LRMDA: variants seen among roughly 807,000 people sequenced by gnomAD.
LRMDA encodes leucine rich melanocyte differentiation associated.
A neutral mutation model predicts 29.8 loss-of-function variants in LRMDA; 18 were observed. The ratio of observed to expected loss-of-function variants is 0.60; its 90% CI spans 0.42 to 0.90. LRMDA has a LOEUF of 0.90. Among genes scored for constraint, LRMDA ranks in the 40% least tolerant of loss-of-function variants. LRMDA has a pLI of 0.00. For missense variants in LRMDA, 273 were observed against 273.9 expected, an observed-to-expected ratio of 1.00 and a Z score of 0.02; for synonymous variants, 125 against 109.4, an observed-to-expected ratio of 1.14 and a Z score of -0.89.
At chr10:75,589,765 A>AAAT (rs71024554) in intron 2 of LRMDA, among the ~76,000 whole-genome samples, 28 of 144,812 alleles carry the variant, frequency 1.9e-4, no homozygotes, top group East Asian at 4.1e-4. Flanking sequence ...GTCTAAAAAA[A>AAAT]ATATATATAT....
intron 2 of LRMDA, among the ~76,000 whole-genome samples, chr10:75,835,519 G>A (rs1381783386): frequency 1.3e-5 from 2 of 152,100 alleles, no homozygotes; most frequent in Non-Finnish European, 2.9e-5. Context: ...ACATATTTGG[G>A]GTGGTGTTAT....
At chr10:76,282,304 G>C (rs1840216306) in intron 5 of LRMDA, among the ~76,000 whole-genome samples, 1 of 152,184 alleles carries the variant, frequency 6.6e-6, no homozygotes, top group African/African-American at 2.4e-5. Flanking sequence ...CGTTTCTGTT[G>C]ACAAGAAATT....
At chr10:75,925,211 AT>A (rs1171326188) in intron 2 of LRMDA, among the ~76,000 whole-genome samples, 3 of 151,710 alleles carry the variant, frequency 2.0e-5, no homozygotes, top group Non-Finnish European at 2.9e-5. Context: ...TTTTTTGTAA[AT>A]TTTTTTTGCC....
intron 2 of LRMDA, among the ~76,000 whole-genome samples, chr10:75,459,974 C>T (rs1844565998): frequency 6.6e-6 from 1 of 152,170 alleles, no homozygotes; most frequent in Admixed American, 6.5e-5. Flanking sequence ...ATTAAGTTTC[C>T]AATACATGAA....
At chr10:76,039,159 A>G (rs1054291578) in intron 3 of LRMDA, among the ~76,000 whole-genome samples, 4 of 152,238 alleles carry the variant, frequency 2.6e-5, no homozygotes, top group African/African-American at 7.2e-5. Context: ...TCACATACCA[A>G]CTGTAGAACA....
At chr10:76,391,018 A>G (rs998217745) in intron 6 of LRMDA, among the ~76,000 whole-genome samples, 5 of 152,218 alleles carry the variant, frequency 3.3e-5, no homozygotes, top group Admixed American at 6.5e-5. Context: ...TTACCATCCA[A>G]TGGAAATATT....
intron 6 of LRMDA, among the ~76,000 whole-genome samples, chr10:76,460,171 C>T (rs999355248): frequency 3.3e-5 from 5 of 152,160 alleles, no homozygotes; most frequent in South Asian, 2.1e-4. Flanking sequence ...TGTGAGACTT[C>T]GCTGCACAGT....
intron 6 of LRMDA, among the ~76,000 whole-genome samples, chr10:76,439,492 A>G (rs1842278735): frequency 6.6e-6 from 1 of 152,304 alleles, no homozygotes; most frequent in East Asian, 1.9e-4. Context: ...GATCCTTAGC[A>G]GGGAAAGCGC....
rs1229037592 is a variant in LRMDA at position 75,629,968 on chromosome 10, G to A, written c.131+191474G>A. ...TTGCAGATCAGTTTTAAAAAGAACA[G>A]CCATTCCATCATATATGTAATTTTA... On this transcript the variant is annotated intron_variant, in intron 2 of 6. Transcript: ENST00000611255. 5.3e-5 allele frequency among the ~76,000 whole-genome samples: 8 copies of A among 152,192 alleles called. No individual in the cohort carries two copies. The East Asian group carries it at 1.3e-3, about 26-fold the overall frequency.
At chr10:76,180,277 CTTTTTTTTTTTTTTTT>C (rs34563574) in intron 5 of LRMDA, among the ~76,000 whole-genome samples, 4 of 89,864 alleles carry the variant, frequency 4.5e-5, no homozygotes, top group Non-Finnish European at 6.1e-5. Flanking sequence ...TTGGAAAAAA[CTTTTTTTTTTTTTTTT>C]TTTTTTTTTT....
At position 75,517,453 on chromosome 10, in the gene LRMDA, T is replaced by C. The variant is rs146025828; in HGVS notation, c.131+78959T>C. ...TTGGATTCCTAGGTATTTTATTCTC[T>C]TTGTAGCAGTTGTGAATGGGAGTTC... is the stretch of plus-strand genomic sequence containing the variant. On this transcript the variant is annotated intron_variant, in intron 2 of 6. Coordinates refer to ENST00000611255, the MANE Select transcript of LRMDA (RefSeq NM_001305581.2). 4.9e-3 allele frequency among the ~76,000 whole-genome samples: 742 copies of C among 152,276 alleles called. 5 individuals are homozygous for C. The highest frequency in any genetic ancestry group is 0.017 in the African/African-American group (710 of 41,554).
At chr10:75,799,660 G>T (rs988067617) in intron 2 of LRMDA, among the ~76,000 whole-genome samples, 15 of 150,712 alleles carry the variant, frequency 1.0e-4, no homozygotes, top group Admixed American at 8.6e-4. Flanking sequence ...GATCACAGGT[G>T]TGTGTTACTA....
chr10:76,144,334 T>C (rs1850267839), intron 5 of LRMDA, among the ~76,000 whole-genome samples: 1 of 152,226 alleles, frequency 6.6e-6, no homozygotes, highest in African/African-American at 2.4e-5. Flanking sequence ...GCTTGGAATG[T>C]TCTTCCATTT....
At chr10:76,336,410 A>C (rs1840969654) in intron 6 of LRMDA, among the ~76,000 whole-genome samples, 1 of 152,214 alleles carries the variant, frequency 6.6e-6, no homozygotes, top group South Asian at 2.1e-4. Context: ...GTTTCCTTAA[A>C]TACTCTCTGC....
In LRMDA at chr10:76,036,107, G is replaced by A. The variant is rs766747887; in HGVS notation, c.231G>A (p.Leu77=). 10 of 1,613,812 alleles carry A rather than the reference G, an allele frequency of 6.2e-6. No homozygotes were observed. The South Asian group carries it at 8.8e-5, about 14-fold the overall frequency. The change falls in exon 3 of 7, where the codon CTG becomes CTA. Residue 77 remains leucine (L), a synonymous_variant. Coordinates refer to ENST00000611255, the MANE Select transcript of LRMDA (RefSeq NM_001305581.2). ...TTGTGTTGCCAGGGTTACCCAGACT[G>A]CATACCTTAACCCTCAACAAGAACC... ...DDLVLPGLPR[L]HTLTLNKNRI...
chr10:76,501,710 T>G (rs1842911479), intron 6 of LRMDA, among the ~76,000 whole-genome samples: 1 of 151,980 alleles, frequency 6.6e-6, no homozygotes, highest in African/African-American at 2.4e-5. Context: ...GGATTATTTC[T>G]TTATTGCTTG....
At chr10:76,472,123 A>G (rs888126367) in intron 6 of LRMDA, among the ~76,000 whole-genome samples, 3 of 151,700 alleles carry the variant, frequency 2.0e-5, no homozygotes, top group Non-Finnish European at 3.0e-5. Flanking sequence ...CAGAATGCAC[A>G]CTCTTCTCAA....
intron 2 of LRMDA, among the ~76,000 whole-genome samples, chr10:75,875,455 C>T (rs774675736): frequency 6.6e-5 from 10 of 151,576 alleles, no homozygotes; most frequent in Middle Eastern, 3.4e-3. Flanking sequence ...TTTTTTGAGA[C>T]GCAGATTCAC....
intron 2 of LRMDA, among the ~76,000 whole-genome samples, chr10:75,609,003 CAA>C (rs1840994846): frequency 6.6e-6 from 1 of 152,172 alleles, no homozygotes; most frequent in Non-Finnish European, 1.5e-5. Context: ...CACGTACTCT[CAA>C]AGAGTGTACA....
Sources: gnomAD v4.1 joint callset for allele counts (sites outside exome capture counted in the v4.1 genomes callset) on GRCh38, gnomAD v4.1.1 for gene constraint, MANE v1.5 for transcripts, NCBI Gene and HGNC (gene_info 2026-07-23, HGNC 2026-07-21) for gene names.